GPR19: variants seen among roughly 807,000 people sequenced by gnomAD.
GPR19 encodes the protein G protein-coupled receptor 19, also known as probable G protein-coupled receptor 19.
A neutral mutation model predicts 28.5 loss-of-function variants in GPR19; 14 were observed. That is an observed-to-expected ratio of 0.49 (90% confidence interval 0.32 to 0.77). The LOEUF (loss-of-function observed/expected upper bound fraction) is 0.77. GPR19 is among the 30% of genes least tolerant of loss of function. The pLI is 0.03. For missense variants in GPR19, 409 were observed against 504.1 expected, an observed-to-expected ratio of 0.81 and a Z score of 1.81; for synonymous variants, 173 against 184.1, an observed-to-expected ratio of 0.94 and a Z score of 0.49.
chr12:12,696,967 C>T (rs1254189523), upstream of GPR19, among the ~76,000 whole-genome samples: 1 of 151,914 alleles, frequency 6.6e-6, no homozygotes, highest in Non-Finnish European at 1.5e-5. Context: ...ATAGCACCAC[C>T]CTAACCAGAA....
In GPR19 at chr12:12,665,819, C is replaced by CAAAAAAAAA. The variant is rs528302150; in HGVS notation, c.-22-3358_-22-3350dup. ...TGGGGCACAAAGCCAGACTCCGTCT[C>CAAAAAAAAA]AAAAAAAAAAAAAAAAAAAAAAAAA... On this transcript the variant is annotated intron_variant, in intron 3 of 3. Transcript: ENST00000651487. Among the ~76,000 whole-genome samples, 36 of 75,726 alleles carry CAAAAAAAAA rather than the reference C, an allele frequency of 4.8e-4. 1 individual carries two copies. Among genetic ancestry groups the CAAAAAAAAA allele is most frequent in the African/African-American group, 1.5e-3 (25 of 16,686 alleles). 49.7% of individuals were successfully genotyped at this position (75,726 alleles called of 152,430 possible). A position where few individuals can be genotyped will look rare whatever the true frequency, so the allele number is the denominator to read the frequency against.
At chr12:12,705,388 T>A in the GPR19 span, among the ~76,000 whole-genome samples, 99,055 of 152,084 alleles carry the variant, frequency 0.65, 34,889 homozygotes, top group East Asian at 0.82. Flanking sequence ...GATAGTCTAT[T>A]ATGGTGGGAA....
At chr12:12,663,299 A>C (rs926832240) in intron 3 of GPR19, among the ~76,000 whole-genome samples, 3 of 152,186 alleles carry the variant, frequency 2.0e-5, no homozygotes, top group African/African-American at 7.2e-5. Flanking sequence ...AAAACAACAA[A>C]AAAATGTAAC....
chr12:12,683,290 A>G (rs113408941), intron 3 of GPR19, among the ~76,000 whole-genome samples: 45 of 152,356 alleles, frequency 3.0e-4, no homozygotes, highest in African/African-American at 1.1e-3. Context: ...GATTAAATAT[A>G]GATTTCTTTG....
chr12:12,678,036 T>C (rs1202086747), intron 3 of GPR19, among the ~76,000 whole-genome samples: 1 of 129,996 alleles, frequency 7.7e-6, no homozygotes, highest in African/African-American at 3.0e-5. Context: ...ATCGTGCCAC[T>C]GCATTCCAGC....
At chr12:12,664,919 CAAAAAAAA>C (rs746346681) in intron 3 of GPR19, among the ~76,000 whole-genome samples, 568 of 31,080 alleles carry the variant, frequency 0.018, 5 homozygotes, top group African/African-American at 0.051. Context: ...GACGCCATCT[CAAAAAAAA>C]AAAAAAAAAA....
chr12:12,698,322 C>T (rs916472668), upstream of GPR19, among the ~76,000 whole-genome samples: 1 of 152,186 alleles, frequency 6.6e-6, no homozygotes, highest in African/African-American at 2.4e-5. Flanking sequence ...ACCAAAATTT[C>T]CACTGTCAGT....
chr12:12,703,951 AG>A, the GPR19 span, among the ~76,000 whole-genome samples: 1 of 152,234 alleles, frequency 6.6e-6, no homozygotes, highest in Non-Finnish European at 1.5e-5. Flanking sequence ...GATACAAAAA[AG>A]ATTAAAGACT....
At chr12:12,700,182 T>A (rs1946311703), upstream of GPR19, among the ~76,000 whole-genome samples, 1 of 146,116 alleles carries the variant, frequency 6.8e-6, no homozygotes, top group African/African-American at 2.5e-5. Context: ...TCTGTCCCTT[T>A]ATTTTTTATT....
rs149680765 is a variant in GPR19 at position 12,668,577 on chromosome 12, T to A, written c.-22-6107A>T. ...TTGAGATTATAAAGATTCACAAACA[T>A]TCTCACAAGGTATAAAGACCATTTT... On this transcript the variant is annotated intron_variant, in intron 3 of 3. Transcript: ENST00000651487. 3.5e-3 allele frequency among the ~76,000 whole-genome samples: 535 copies of A among 152,246 alleles called. 3 individuals carry two copies. The highest frequency in any genetic ancestry group is 0.012 in the African/African-American group (517 of 41,552).
chr12:12,678,287 A>G (rs1362587946), intron 3 of GPR19, among the ~76,000 whole-genome samples: 1 of 151,494 alleles, frequency 6.6e-6, no homozygotes, highest in Non-Finnish European at 1.5e-5. Flanking sequence ...ATACCCTTAA[A>G]TTTATTCCAA....
intron 2 of GPR19, chr12:12,688,670 A>T (rs541976249): frequency 7.2e-5 from 11 of 152,374 alleles, no homozygotes; most frequent in Admixed American, 7.2e-4. Flanking sequence ...ACAATCAATT[A>T]TTCTAAGCCT....
chr12:12,674,085 G>A (rs1206763039), intron 3 of GPR19, among the ~76,000 whole-genome samples: 2 of 151,728 alleles, frequency 1.3e-5, no homozygotes, highest in Non-Finnish European at 2.9e-5. Flanking sequence ...GGTGGTGAGT[G>A]CCTGTAATCC....
At chr12:12,671,888 C>T (rs1195647717) in intron 3 of GPR19, among the ~76,000 whole-genome samples, 2 of 152,080 alleles carry the variant, frequency 1.3e-5, no homozygotes, top group Non-Finnish European at 2.9e-5. Context: ...TATATTTTAT[C>T]AGTAGTGATT....
At chr12:12,714,779 A>AT in the GPR19 span, among the ~76,000 whole-genome samples, 4 of 151,682 alleles carry the variant, frequency 2.6e-5, no homozygotes, top group Admixed American at 1.3e-4. Context: ...ACTCCATAGT[A>AT]TTTTTTTTCA....
chr12:12,694,359 C>T (rs542514205), intron 2 of GPR19, among the ~76,000 whole-genome samples: 2 of 151,090 alleles, frequency 1.3e-5, no homozygotes, highest in East Asian at 1.9e-4. Flanking sequence ...CCACCACGCC[C>T]GGCTAATTTT....
chr12:12,714,603 G>A, the GPR19 span, among the ~76,000 whole-genome samples: 1 of 152,160 alleles, frequency 6.6e-6, no homozygotes, highest in African/African-American at 2.4e-5. Context: ...GGGTTTTGGG[G>A]AAACAGCTCA....
intron 3 of GPR19, among the ~76,000 whole-genome samples, chr12:12,680,275 A>G (rs1441994925): frequency 6.6e-6 from 1 of 152,242 alleles, no homozygotes; most frequent in East Asian, 1.9e-4. Flanking sequence ...CCGTCTGTGG[A>G]CATTGAATAG....
chr12:12,678,278 T>C (rs910581183), intron 3 of GPR19, among the ~76,000 whole-genome samples: 5 of 151,982 alleles, frequency 3.3e-5, no homozygotes, highest in East Asian at 1.9e-4. Flanking sequence ...GTTATGTATA[T>C]ACCCTTAAAT....
Sources: gnomAD v4.1 joint callset for allele counts (sites outside exome capture counted in the v4.1 genomes callset) on GRCh38, gnomAD v4.1.1 for gene constraint, MANE v1.5 for transcripts, NCBI Gene and HGNC (gene_info 2026-07-23, HGNC 2026-07-21) for gene names.